LPAR1: variants seen among roughly 807,000 people sequenced by gnomAD.
LPAR1 encodes LPA receptor 1.
In LPAR1, 5 loss-of-function variants were observed where a neutral mutation model predicts 23.8. The observed-to-expected ratio is 0.21, with a 90% CI of 0.11 to 0.44. LPAR1 has a LOEUF of 0.44. LPAR1 is among the 20% of genes least tolerant of loss of function. LPAR1 has a pLI of 0.99. For synonymous variants in LPAR1, 160 were observed against 164.7 expected (o/e 0.97, Z 0.22); for missense variants, 311 against 482.8 (o/e 0.64, Z 3.33).
intron 5 of LPAR1, among the ~76,000 whole-genome samples, chr9:110,895,624 C>T: frequency 6.6e-6 from 1 of 152,076 alleles, no homozygotes; most frequent in East Asian, 1.9e-4. Context: ...TCACAGGTCA[C>T]AGTTCAGGAG....
chr9:111,015,758 A>T (rs137951490), intron 2 of LPAR1, among the ~76,000 whole-genome samples: 241 of 152,208 alleles, frequency 1.6e-3, no homozygotes, highest in Non-Finnish European at 2.9e-3. Context: ...AAAAATAAAG[A>T]TGTTTTCATA....
At chr9:110,955,651 A>G (rs1177983861) in intron 4 of LPAR1, among the ~76,000 whole-genome samples, 1 of 152,100 alleles carries the variant, frequency 6.6e-6, no homozygotes, top group Admixed American at 6.5e-5. Flanking sequence ...CCCAGAATAG[A>G]CCACATAAAA....
intron 5 of LPAR1, among the ~76,000 whole-genome samples, chr9:110,938,650 T>A (rs1222707342): frequency 6.8e-6 from 1 of 146,164 alleles, no homozygotes; most frequent in Non-Finnish European, 1.5e-5. Context: ...ACCCAGAAGC[T>A]CAAGACCAGC....
intron 2 of LPAR1, among the ~76,000 whole-genome samples, chr9:111,012,712 A>T (rs2097357086): frequency 6.6e-6 from 1 of 152,174 alleles, no homozygotes. Context: ...AGAGCCTAAA[A>T]TAAAGCAATT....
At chr9:110,884,310 A>G (rs1375789795) in intron 5 of LPAR1, among the ~76,000 whole-genome samples, 4 of 152,160 alleles carry the variant, frequency 2.6e-5, no homozygotes, top group East Asian at 1.9e-4. Context: ...ACTTACCGCT[A>G]CTTCTGGGAT....
chr9:110,967,317 G>A (rs143224729), intron 4 of LPAR1, among the ~76,000 whole-genome samples: 3 of 152,230 alleles, frequency 2.0e-5, no homozygotes, highest in African/African-American at 7.2e-5. Flanking sequence ...AAAAAACAAG[G>A]CATATCTTTC....
intron 5 of LPAR1, among the ~76,000 whole-genome samples, chr9:110,906,610 C>T (rs79410019): frequency 0.053 from 8,014 of 152,024 alleles, 398 homozygotes; most frequent in African/African-American, 0.13. Context: ...AAATATTTTT[C>T]TTGGGTTTGA....
At chr9:110,938,240 TA>T (rs1308133246) in intron 5 of LPAR1, among the ~76,000 whole-genome samples, 2 of 152,154 alleles carry the variant, frequency 1.3e-5, no homozygotes, top group Admixed American at 1.3e-4. Context: ...CAAACTAAAG[TA>T]AAATAACCAG....
rs1043128 is a variant in LPAR1, at chr9:110,873,649, A to G, written c.*1772T>C. 0.15 allele frequency: 22,426 copies of G among 152,232 alleles called. 2,035 individuals are homozygous for G. Among genetic ancestry groups the G allele is most frequent in the Admixed American group, 0.2 (3,091 of 15,274 alleles). The allele number at this position is 152,232 out of a possible 1,614,324, so 9.4% of individuals were successfully genotyped here. ...CTGATGCAACTACTAGTCTACCTGG[A>G]CAACATATTAAACAGGTATCACCTA... is the stretch of plus-strand genomic sequence containing the variant. On this transcript the variant is annotated 3_prime_UTR_variant, in exon 6 of 6. Transcript: ENST00000683809.
intron 4 of LPAR1, among the ~76,000 whole-genome samples, chr9:110,954,477 C>T (rs1446252587): frequency 2.0e-5 from 3 of 149,580 alleles, no homozygotes; most frequent in African/African-American, 4.9e-5. Context: ...CTCAGGGATC[C>T]CCAAACAGAT....
At chr9:111,021,717 T>G (rs553451143) in intron 2 of LPAR1, among the ~76,000 whole-genome samples, 353 of 152,270 alleles carry the variant, frequency 2.3e-3, no homozygotes, top group Non-Finnish European at 3.6e-3. Context: ...TCCCAACACT[T>G]TGGGAGGCCC....
At chr9:110,969,141 T>C (rs1351386444) in intron 4 of LPAR1, among the ~76,000 whole-genome samples, 2 of 152,190 alleles carry the variant, frequency 1.3e-5, no homozygotes, top group Non-Finnish European at 2.9e-5. Flanking sequence ...TAAGATTTTG[T>C]TGGATAGAGG....
chr9:110,911,341 G>A (rs1588273950), intron 5 of LPAR1, among the ~76,000 whole-genome samples: 1 of 152,102 alleles, frequency 6.6e-6, no homozygotes, highest in East Asian at 1.9e-4. Context: ...GAGCCCAGGA[G>A]TTTGAGACAA....
At chr9:110,958,514 C>A (rs545712030) in intron 4 of LPAR1, among the ~76,000 whole-genome samples, 1 of 152,270 alleles carries the variant, frequency 6.6e-6, no homozygotes, top group South Asian at 2.1e-4. Flanking sequence ...GCTGGGAAAA[C>A]TGGATATCCT....
chr9:111,028,842 A>G (rs2097748373), intron 2 of LPAR1, among the ~76,000 whole-genome samples: 1 of 152,190 alleles, frequency 6.6e-6, no homozygotes, highest in African/African-American at 2.4e-5. Context: ...CTAGTCCTAC[A>G]GTAAATTAAA....
At chr9:110,939,580 C>A (rs1174317775) in intron 5 of LPAR1, among the ~76,000 whole-genome samples, 1 of 152,108 alleles carries the variant, frequency 6.6e-6, no homozygotes, top group Non-Finnish European at 1.5e-5. Flanking sequence ...GGGAAAGTGG[C>A]ATTTAGGGCA....
At chr9:111,024,885 T>G (rs2097657801) in intron 2 of LPAR1, among the ~76,000 whole-genome samples, 1 of 152,186 alleles carries the variant, frequency 6.6e-6, no homozygotes, top group African/African-American at 2.4e-5. Context: ...TGAACTCACC[T>G]TTTTTATGGC....
chr9:111,012,578 C>A (rs541494579), intron 2 of LPAR1, among the ~76,000 whole-genome samples: 3 of 152,064 alleles, frequency 2.0e-5, no homozygotes, highest in South Asian at 4.2e-4. Flanking sequence ...AGGATTAGAA[C>A]AAGACCCTGG....
chr9:110,995,118 G>A (rs2096971488), intron 2 of LPAR1, among the ~76,000 whole-genome samples: 1 of 152,122 alleles, frequency 6.6e-6, no homozygotes, highest in South Asian at 2.1e-4. Flanking sequence ...AATGTGACGA[G>A]GTACCATGTT....
Sources: gnomAD v4.1 joint callset for allele counts (sites outside exome capture counted in the v4.1 genomes callset) on GRCh38, gnomAD v4.1.1 for gene constraint, MANE v1.5 for transcripts, NCBI Gene and HGNC (gene_info 2026-07-23, HGNC 2026-07-21) for gene names.